The following PAM variants were observed in gnomAD, a reference collection of about 807,000 sequenced individuals.
The protein encoded by PAM is peptidyl-glycine alpha-amidating monooxygenase.
A neutral mutation model predicts 122.1 loss-of-function variants in PAM; 72 were observed. The observed-to-expected ratio is 0.59, with a 90% CI of 0.49 to 0.72. The LOEUF is 0.72. PAM is among the 30% of genes least tolerant of loss of function. The pLI is 0.00. For missense variants in PAM, 1,106 were observed against 1,183.7 expected (o/e 0.93, Z 0.96); for synonymous variants, 389 against 404.4 (o/e 0.96, Z 0.46).
Position 103,006,684 on chromosome 5 carries a change from TA to T in PAM, c.1804-114del, listed in dbSNP as rs375117197. The T allele has an allele frequency of 3.5e-4, 249 of 703,504 alleles. No individual in the cohort carries two copies. The African/African-American group carries it at 4.0e-3, about 11-fold the overall frequency. The allele number at this position is 703,504 out of a possible 1,614,324, so 43.6% of individuals were successfully genotyped here. ...TCTAACAAGTATTAATACCTTCTTT[TA>T]AATAAGTCTCTGGGAGCTTCTACTC... On this transcript the variant is annotated intron_variant, in intron 18 of 25. Transcript: ENST00000438793.
rs752450079 is a variant in PAM at position 102,926,662 on chromosome 5, T to C, written c.520T>C (p.Phe174Leu). ...LQVHYGDISA[F>L]RDNNKDCSGV... ...GGTACACTATGGGGATATTAGTGCT[T>C]TTAGAGGTAAGTTTTGAAGTGTTGG... Residue 174 changes from phenylalanine to leucine, a missense_variant, in exon 7 of 26, where the codon TTT becomes CTT. By Grantham distance (22) the Phe-to-Leu change is conservative. Coordinates refer to ENST00000438793, the MANE Select transcript of PAM (RefSeq NM_001177306.2). 6.4e-7 allele frequency: 1 copy of C among 1,559,612 alleles called. No homozygotes were observed. Among genetic ancestry groups the C allele is most frequent in the South Asian group, 1.1e-5 (1 of 89,756 alleles).
At chr5:102,786,130 A>G (rs1760460792) in intron 1 of PAM, among the ~76,000 whole-genome samples, 1 of 152,222 alleles carries the variant, frequency 6.6e-6, no homozygotes, top group Admixed American at 6.5e-5. Context: ...TTTCAGAGAA[A>G]GAACTGAGAG....
chr5:102,823,897 A>G (rs1041213516), intron 1 of PAM, among the ~76,000 whole-genome samples: 4 of 152,224 alleles, frequency 2.6e-5, no homozygotes, highest in Non-Finnish European at 4.4e-5. Context: ...GACCCTGACC[A>G]TGAAAAAGAT....
chr5:102,990,283 G>C lies in PAM; in HGVS notation c.1495G>C (p.Glu499Gln). 1 of 1,549,654 alleles carries C rather than the reference G, an allele frequency of 6.5e-7. No individual in the cohort carries two copies. The highest frequency in any genetic ancestry group is 1.2e-5 in the South Asian group (1 of 80,030). The part of the protein sequence containing the change: ...EPEHTGDFHM[E>Q]EALDWPGVYL... ...GATATATCTTTTAGATTTCCACATG[G>C]AAGAGGCACTGGATTGGCCTGGAGT... The change falls in exon 16 of 26, where the codon GAA becomes CAA. Residue 499 changes from glutamate (E) to glutamine (Q), a missense_variant. By Grantham distance (29) the Glu-to-Gln change is conservative. Transcript: ENST00000438793.
Position 103,009,906 on chromosome 5 carries a change from A to G in PAM, c.2331+40A>G. 3 of 1,032,554 alleles carry G rather than the reference A, an allele frequency of 2.9e-6. No homozygotes were observed. In the South Asian group the frequency reaches 4.7e-5, roughly 16 times the overall value. The allele number at this position is 1,032,554 out of a possible 1,614,324, so 64.0% of individuals were successfully genotyped here. A position where few individuals can be genotyped will look rare whatever the true frequency, so the allele number is the denominator to read the frequency against. On this transcript the variant is annotated intron_variant, in intron 21 of 25. Coordinates refer to ENST00000438793, the MANE Select transcript of PAM (RefSeq NM_001177306.2). ...TGTCTAGGTTTCAATTTTCATGAGA[A>G]GAAGACTAAAATATAAATCTTGGCA...
At chr5:102,945,683 G>A (rs562275626) in intron 7 of PAM, among the ~76,000 whole-genome samples, 2 of 151,648 alleles carry the variant, frequency 1.3e-5, no homozygotes, top group African/African-American at 4.8e-5. Context: ...TTTTATTCTA[G>A]TCACAGAATA....
chr5:102,923,697 G>A (rs1188784430), intron 5 of PAM, among the ~76,000 whole-genome samples: 35 of 152,294 alleles, frequency 2.3e-4, no homozygotes, highest in Non-Finnish European at 1.5e-5. Flanking sequence ...CGCACTGAGT[G>A]CCTTATGCAC....
In PAM at chr5:102,942,639, G is replaced by A. The variant is rs147793678; in HGVS notation, c.527-4198G>A. Among the ~76,000 whole-genome samples, 1,453 of 150,918 alleles carry A rather than the reference G, an allele frequency of 9.6e-3. 20 individuals are homozygous for A. The highest frequency in any genetic ancestry group is 0.032 in the African/African-American group (1,332 of 41,028). On this transcript the variant is annotated intron_variant, in intron 7 of 25. Transcript: ENST00000438793. ...GCTCTGTCACCCAGGCTGAAGTGCCGTGGTGTGATCATGGCTTACTGCAGC... is the reference window on the plus strand; with the variant it reads ...GCTCTGTCACCCAGGCTGAAGTGCCATGGTGTGATCATGGCTTACTGCAGC...
rs769635037 is a variant in PAM, at chr5:102,949,885, A to G, written c.725-17A>G. On this transcript the variant is annotated splice_polypyrimidine_tract_variant and intron_variant, in intron 10 of 25. Transcript: ENST00000438793. ...TACCTTATTATATTAAATGATTAAA[A>G]TTTGTGTTTATTACAGGTAAGGTAG... 8 of 1,328,066 alleles carry G rather than the reference A, an allele frequency of 6.0e-6. No individual in the cohort carries two copies. 82.3% of individuals were successfully genotyped at this position (1,328,066 alleles called of 1,614,324 possible).
At position 103,019,684 on chromosome 5, in the gene PAM, A is replaced by C. The variant is rs1051399118; in HGVS notation, c.2432-106A>C. 25 of 742,588 alleles carry C rather than the reference A, an allele frequency of 3.4e-5. No individual in the cohort carries two copies. The Admixed American group carries it at 4.6e-4, about 14-fold the overall frequency. The allele number at this position is 742,588 out of a possible 1,614,324, so 46.0% of individuals were successfully genotyped here. A position where few individuals can be genotyped will look rare whatever the true frequency, so the allele number is the denominator to read the frequency against. On this transcript the variant is annotated intron_variant, in intron 22 of 25. Transcript: ENST00000438793. The stretch of plus-strand genomic sequence containing the variant: ...TCCTAATATAATAATGCATTTGATG[A>C]ATTAAGGAAATATTTTCTACTGAGT...
At chr5:102,906,555 A>C (rs1799615133) in intron 4 of PAM, among the ~76,000 whole-genome samples, 1 of 151,660 alleles carries the variant, frequency 6.6e-6, no homozygotes, top group South Asian at 2.1e-4. Context: ...CCACATTCAG[A>C]TCCCAGCCTC....
intron 1 of PAM, among the ~76,000 whole-genome samples, chr5:102,817,514 T>C (rs1770292503): frequency 6.6e-6 from 1 of 152,196 alleles, no homozygotes; most frequent in Non-Finnish European, 1.5e-5. Context: ...AAATGTGATA[T>C]ATTTTTAAAG....
rs144482323 is a variant in PAM, at chr5:102,768,484, C to A, written c.-374+13136C>A. 5.5e-4 allele frequency among the ~76,000 whole-genome samples: 69 copies of A among 124,826 alleles called. No individual in the cohort carries two copies. The East Asian group carries it at 0.016, about 29-fold the overall frequency. 81.9% of individuals were successfully genotyped at this position (124,826 alleles called of 152,430 possible). On this transcript the variant is annotated intron_variant, in intron 1 of 25. Transcript: ENST00000438793. ...ATGCCCATTAACCATCCCAACTCCC[C>A]CTCTAACCTCTCCACTTCCCGGTCT... is the stretch of plus-strand genomic sequence containing the variant.
intron 1 of PAM, among the ~76,000 whole-genome samples, chr5:102,842,067 A>G (rs1311548211): frequency 6.6e-6 from 1 of 152,144 alleles, no homozygotes; most frequent in Non-Finnish European, 1.5e-5. Flanking sequence ...TCCAAACATT[A>G]TCGACAAAAA....
rs57617414 is a variant in PAM at position 102,836,859 on chromosome 5, C to CGAGAGAGAGAGAGAGAGA, written c.-373-28942_-373-28925dup. ...ATTATGGATGGACCAAGAAAGAAAC[C>CGAGAGAGAGAGAGAGAGA]GAGAGAGAGAGAGAGAGAGAGAGAG... On this transcript the variant is annotated intron_variant, in intron 1 of 25. Transcript: ENST00000438793. 3.7e-3 allele frequency among the ~76,000 whole-genome samples: 445 copies of CGAGAGAGAGAGAGAGAGA among 120,776 alleles called. 13 individuals are homozygous for CGAGAGAGAGAGAGAGAGA. The highest frequency in any genetic ancestry group is 0.013 in the African/African-American group (369 of 28,000). The allele number at this position is 120,776 out of a possible 152,430, so 79.2% of individuals were successfully genotyped here. A position where few individuals can be genotyped will look rare whatever the true frequency, so the allele number is the denominator to read the frequency against.
intron 12 of PAM, among the ~76,000 whole-genome samples, chr5:102,952,552 T>A (rs1179353090): frequency 2.8e-4 from 42 of 152,068 alleles, no homozygotes; most frequent in Non-Finnish European, 1.5e-5. Flanking sequence ...AATATTTAAT[T>A]TCTACTACAG....
At chr5:102,925,591 G>A (rs1014961055) in intron 6 of PAM, among the ~76,000 whole-genome samples, 3 of 152,080 alleles carry the variant, frequency 2.0e-5, no homozygotes, top group African/African-American at 7.2e-5. Context: ...GGATGATCTC[G>A]TGATACACAT....
intron 1 of PAM, among the ~76,000 whole-genome samples, chr5:102,765,565 T>A (rs1349850374): frequency 6.6e-6 from 1 of 152,196 alleles, no homozygotes; most frequent in Non-Finnish European, 1.5e-5. Context: ...GCCGACTTCA[T>A]CTACAACCTG....
intron 3 of PAM, among the ~76,000 whole-genome samples, chr5:102,885,880 T>C (rs1174560722): frequency 6.6e-6 from 1 of 151,968 alleles, no homozygotes; most frequent in Non-Finnish European, 1.5e-5. Context: ...AGGTGTTTCA[T>C]ACAGTTACCG....
Sources: allele counts gnomAD v4.1 joint callset (sites outside exome capture counted in the v4.1 genomes callset), GRCh38; gene constraint gnomAD v4.1.1; transcripts MANE v1.5; gene names NCBI Gene and HGNC (gene_info 2026-07-23, HGNC 2026-07-21).